CSMD1: variants seen among roughly 807,000 people sequenced by gnomAD.
CSMD1 encodes CUB and sushi domain-containing protein 1.
CSMD1 carries 213 observed loss-of-function variants against 417.5 expected under a neutral mutation model. The ratio of observed to expected loss-of-function variants is 0.51; its 90% CI spans 0.46 to 0.57. CSMD1 has a LOEUF of 0.57. Among genes scored for constraint, CSMD1 ranks in the 20% least tolerant of loss-of-function variants. The pLI is 0.00. For synonymous variants in CSMD1, 2,862 were observed against 1,736.8 expected (o/e 1.65, Z -16.11); for missense variants, 6,923 against 4,529.7 (o/e 1.53, Z -15.17).
chr8:3,151,741 C>T (rs150058670), intron 39 of CSMD1, among the ~76,000 whole-genome samples: 7 of 152,300 alleles, frequency 4.6e-5, no homozygotes, highest in African/African-American at 1.4e-4. Flanking sequence ...CAAGATCCAT[C>T]TTCTCCTCTC....
At chr8:4,848,996 G>T (rs1801310871) in intron 1 of CSMD1, among the ~76,000 whole-genome samples, 1 of 152,182 alleles carries the variant, frequency 6.6e-6, no homozygotes, top group African/African-American at 2.4e-5. Context: ...AGGAAGTATT[G>T]GAGAATAAAG....
intron 5 of CSMD1, among the ~76,000 whole-genome samples, chr8:3,878,873 G>A (rs1329507740): frequency 6.6e-6 from 1 of 152,134 alleles, no homozygotes; most frequent in East Asian, 1.9e-4. Context: ...AACTGACTGA[G>A]CTTAATTATT....
intron 2 of CSMD1, among the ~76,000 whole-genome samples, chr8:4,567,522 T>C (rs79384497): frequency 0.072 from 10,944 of 152,154 alleles, 560 homozygotes; most frequent in Admixed American, 0.16. Flanking sequence ...AAATCGCAGG[T>C]AGACTGTGAA....
chr8:4,356,597 T>A (rs1001085061), intron 3 of CSMD1, among the ~76,000 whole-genome samples: 1 of 152,224 alleles, frequency 6.6e-6, no homozygotes, highest in Non-Finnish European at 1.5e-5. Context: ...CTCTATCCTG[T>A]AAGCATCTTG....
intron 5 of CSMD1, among the ~76,000 whole-genome samples, chr8:3,770,455 A>G (rs2623640): frequency 0.65 from 99,040 of 151,982 alleles, 32,770 homozygotes; most frequent in African/African-American, 0.75. Flanking sequence ...CTTGAACCCA[A>G]GAGGCAGAGA....
At chr8:3,266,099 T>C (rs1241937813) in intron 26 of CSMD1, among the ~76,000 whole-genome samples, 1 of 150,724 alleles carries the variant, frequency 6.6e-6, no homozygotes, top group Non-Finnish European at 1.5e-5. Flanking sequence ...GGGGGAAAAA[T>C]TAATTTGCAA....
intron 1 of CSMD1, among the ~76,000 whole-genome samples, chr8:4,708,674 A>T (rs543132404): frequency 6.8e-6 from 1 of 147,758 alleles, no homozygotes; most frequent in Admixed American, 6.8e-5. Context: ...AACCAGATTC[A>T]TTTTTTTTTT....
intron 3 of CSMD1, among the ~76,000 whole-genome samples, chr8:4,301,689 T>G (rs1365493966): frequency 6.6e-6 from 1 of 152,236 alleles, no homozygotes; most frequent in South Asian, 2.1e-4. Flanking sequence ...GACCAGATTA[T>G]TATTTTTCTT....
At position 3,795,086 on chromosome 8, in the gene CSMD1, T is replaced by C. The variant is rs547926624; in HGVS notation, c.819-41044A>G. On this transcript the variant is annotated intron_variant, in intron 5 of 69. Transcript: ENST00000635120. ...GATATATATCTATCATGTACAGCTA[T>C]AGATATATATCTATCATGTACAGCT... 8.1e-5 allele frequency among the ~76,000 whole-genome samples: 11 copies of C among 136,508 alleles called. 3 individuals are homozygous for C. The South Asian group carries it at 2.7e-3, about 34-fold the overall frequency. The allele number at this position is 136,508 out of a possible 152,430, so 89.6% of individuals were successfully genotyped here. A position where few individuals can be genotyped will look rare whatever the true frequency, so the allele number is the denominator to read the frequency against.
chr8:4,782,467 T>A lies in CSMD1; in HGVS notation c.86-144909A>T, dbSNP rs190366960. On this transcript the variant is annotated intron_variant, in intron 1 of 69. Coordinates refer to ENST00000635120, the MANE Select transcript of CSMD1 (RefSeq NM_033225.6). ...ACATATAGAATTTGAACACTTTAGA[T>A]TTAAAGAAATCTTATTTAAGGACCA... Among the ~76,000 whole-genome samples the A allele has an allele frequency of 1.6e-3, 239 of 152,300 alleles. 1 individual carries two copies. The highest frequency in any genetic ancestry group is 5.5e-3 in the African/African-American group (229 of 41,562).
chr8:4,305,184 G>A (rs545332884), intron 3 of CSMD1, among the ~76,000 whole-genome samples: 1 of 152,144 alleles, frequency 6.6e-6, no homozygotes, highest in African/African-American at 2.4e-5. Flanking sequence ...ATTACATCAA[G>A]TAACTTCACA....
At chr8:3,939,635 T>A (rs1215152012) in intron 5 of CSMD1, among the ~76,000 whole-genome samples, 2 of 152,106 alleles carry the variant, frequency 1.3e-5, no homozygotes, top group Admixed American at 1.3e-4. Flanking sequence ...ATCAGCCAAT[T>A]AGCAGATAAA....
chr8:4,853,444 A>T (rs1055780001), intron 1 of CSMD1, among the ~76,000 whole-genome samples: 2 of 152,162 alleles, frequency 1.3e-5, no homozygotes, highest in Non-Finnish European at 2.9e-5. Flanking sequence ...TGGCAGCTTC[A>T]ACACAGTGTG....
At chr8:3,581,731 C>T (rs971091440) in intron 9 of CSMD1, among the ~76,000 whole-genome samples, 6 of 152,076 alleles carry the variant, frequency 3.9e-5, no homozygotes, top group South Asian at 2.1e-4. Context: ...GTGGCAGAAA[C>T]GATCATTATC....
At chr8:4,363,460 A>C (rs921982735) in intron 3 of CSMD1, among the ~76,000 whole-genome samples, 1 of 152,102 alleles carries the variant, frequency 6.6e-6, no homozygotes, top group South Asian at 2.1e-4. Flanking sequence ...TTCCAGCTCT[A>C]TCTTCCCCAC....
intron 49 of CSMD1, among the ~76,000 whole-genome samples, chr8:3,056,071 A>G (rs558201639): frequency 1.3e-5 from 2 of 152,274 alleles, no homozygotes; most frequent in Non-Finnish European, 2.9e-5. Flanking sequence ...ACATACACAC[A>G]TAAAATTTTT....
At chr8:4,954,010 G>A (rs142354674) in intron 1 of CSMD1, among the ~76,000 whole-genome samples, 122 of 152,120 alleles carry the variant, frequency 8.0e-4, no homozygotes, top group Middle Eastern at 3.4e-3. Context: ...CAATGAAGAC[G>A]TTACCCTTCC....
At chr8:3,081,570 A>G (rs1375481878) in intron 49 of CSMD1, among the ~76,000 whole-genome samples, 1 of 152,250 alleles carries the variant, frequency 6.6e-6, no homozygotes, top group Non-Finnish European at 1.5e-5. Context: ...TAACATTTGC[A>G]TTAGTAATTA....
intron 1 of CSMD1, among the ~76,000 whole-genome samples, chr8:4,993,296 G>C (rs904312542): frequency 2.0e-5 from 3 of 149,230 alleles, no homozygotes; most frequent in African/African-American, 7.3e-5. Context: ...ATCTATGGAA[G>C]TGCTGACTGA....
Sources: gnomAD v4.1 joint callset for allele counts (sites outside exome capture counted in the v4.1 genomes callset) on GRCh38, gnomAD v4.1.1 for gene constraint, MANE v1.5 for transcripts, NCBI Gene and HGNC (gene_info 2026-07-23, HGNC 2026-07-21) for gene names.